Variants in CHRM3 observed in about 807,000 individuals in gnomAD.
CHRM3 encodes cholinergic receptor muscarinic 3, also known as muscarinic acetylcholine receptor M3.
A neutral mutation model predicts 41.8 loss-of-function variants in CHRM3; 11 were observed. That is an observed-to-expected ratio of 0.26 (90% CI 0.17 to 0.44). The LOEUF is 0.44. Among genes scored for constraint, CHRM3 ranks in the 20% least tolerant of loss-of-function variants. The probability of loss-of-function intolerance (pLI) is 1.00; values close to 1 mark genes in which losing one functional copy is unlikely to be tolerated. For missense variants in CHRM3, 571 were observed against 745.4 expected (o/e 0.77, Z 2.72); for synonymous variants, 297 against 301.4 (o/e 0.99, Z 0.15).
At chr1:239,761,299 G>A (rs1193432665) in intron 5 of CHRM3, among the ~76,000 whole-genome samples, 2 of 152,132 alleles carry the variant, frequency 1.3e-5, no homozygotes, top group African/African-American at 4.8e-5. Context: ...AACATAGAGA[G>A]AGATTGTGTG....
At chr1:239,654,462 G>C (rs1168789823) in intron 4 of CHRM3, among the ~76,000 whole-genome samples, 1 of 152,268 alleles carries the variant, frequency 6.6e-6, no homozygotes, top group South Asian at 2.1e-4. Context: ...GCAGCAGTGC[G>C]ATCTCAGCTC....
chr1:239,855,840 A>C (rs535457369), intron 6 of CHRM3, among the ~76,000 whole-genome samples: 1 of 152,320 alleles, frequency 6.6e-6, no homozygotes, highest in African/African-American at 2.4e-5. Context: ...CCCTCTGTCC[A>C]TCTAAAAATC....
chr1:239,492,101 A>G (rs980571283), intron 1 of CHRM3, among the ~76,000 whole-genome samples: 3 of 152,212 alleles, frequency 2.0e-5, no homozygotes, highest in African/African-American at 7.2e-5. Context: ...AACTTGTGGA[A>G]GCACACACAC....
chr1:239,488,771 A>G (rs2148048847), intron 1 of CHRM3, among the ~76,000 whole-genome samples: 1 of 139,484 alleles, frequency 7.2e-6, no homozygotes, highest in African/African-American at 2.7e-5. Flanking sequence ...ATGGTTTTGT[A>G]GATGTTGATA....
chr1:239,400,692 G>A (rs1014731719), intron 1 of CHRM3, among the ~76,000 whole-genome samples: 18 of 152,098 alleles, frequency 1.2e-4, no homozygotes, highest in Admixed American at 5.9e-4. Flanking sequence ...TCCCAAGTGC[G>A]TTTGTTGAAG....
chr1:239,651,739 G>T (rs1217559075), intron 4 of CHRM3, among the ~76,000 whole-genome samples: 1 of 152,014 alleles, frequency 6.6e-6, no homozygotes, highest in African/African-American at 2.4e-5. Flanking sequence ...TTGTAGTAAG[G>T]GTTAAAAAGA....
chr1:239,729,130 C>G (rs1158259562), intron 5 of CHRM3, among the ~76,000 whole-genome samples: 1 of 152,030 alleles, frequency 6.6e-6, no homozygotes, highest in Non-Finnish European at 1.5e-5. Flanking sequence ...GGCAGGGACA[C>G]AAAACTGTAT....
chr1:239,489,206 G>T (rs1386702925), intron 1 of CHRM3, among the ~76,000 whole-genome samples: 3 of 152,178 alleles, frequency 2.0e-5, no homozygotes, highest in African/African-American at 7.2e-5. Flanking sequence ...GAGGTTAGGA[G>T]TTCGAAACCA....
intron 3 of CHRM3, among the ~76,000 whole-genome samples, chr1:239,562,743 C>T (rs1660988824): frequency 6.6e-6 from 1 of 151,986 alleles, no homozygotes; most frequent in Non-Finnish European, 1.5e-5. Flanking sequence ...CAAAAATTAG[C>T]TGGGCGTGGT....
chr1:239,690,052 G>C (rs546375403), intron 5 of CHRM3, among the ~76,000 whole-genome samples: 2 of 93,858 alleles, frequency 2.1e-5, no homozygotes, highest in East Asian at 5.3e-4. Flanking sequence ...GACACAGAGA[G>C]AGAGAGAGAG....
chr1:239,732,823 G>A (rs1664067820), intron 5 of CHRM3, among the ~76,000 whole-genome samples: 1 of 133,662 alleles, frequency 7.5e-6, no homozygotes, highest in Non-Finnish European at 1.6e-5. Flanking sequence ...ATCTCACTTA[G>A]ATAAGTATAC....
intron 5 of CHRM3, among the ~76,000 whole-genome samples, chr1:239,783,952 C>T (rs762562199): frequency 1.2e-4 from 18 of 152,264 alleles, no homozygotes; most frequent in South Asian, 4.1e-4. Flanking sequence ...TAAGTGAGAA[C>T]GTGCAGTATT....
At chr1:239,817,446 A>G (rs1671682562) in intron 5 of CHRM3, among the ~76,000 whole-genome samples, 1 of 151,998 alleles carries the variant, frequency 6.6e-6, no homozygotes, top group Non-Finnish European at 1.5e-5. Context: ...CACCCCCAGA[A>G]CTGCCCAAAT....
At chr1:239,583,669 A>G (rs576466283) in intron 3 of CHRM3, among the ~76,000 whole-genome samples, 40 of 152,310 alleles carry the variant, frequency 2.6e-4, no homozygotes, top group African/African-American at 9.6e-4. Flanking sequence ...CACTTTTCTG[A>G]ACAGAAATAT....
At chr1:239,647,217 C>G (rs1011733614) in intron 4 of CHRM3, among the ~76,000 whole-genome samples, 2 of 152,152 alleles carry the variant, frequency 1.3e-5, no homozygotes, top group African/African-American at 4.8e-5. Flanking sequence ...ATTCCTTCAT[C>G]TTCTCTTCAC....
intron 1 of CHRM3, among the ~76,000 whole-genome samples, chr1:239,400,437 T>C (rs961953511): frequency 1.3e-5 from 2 of 152,228 alleles, no homozygotes; most frequent in South Asian, 4.1e-4. Context: ...TCCTTTGCCA[T>C]GCAGAAACGT....
intron 3 of CHRM3, among the ~76,000 whole-genome samples, chr1:239,575,584 A>T (rs1662255358): frequency 6.6e-6 from 1 of 152,096 alleles, no homozygotes; most frequent in Non-Finnish European, 1.5e-5. Flanking sequence ...ATACGACTCC[A>T]TTCTAGAGGC....
chr1:239,765,153 A>C (rs1202789614), intron 5 of CHRM3, among the ~76,000 whole-genome samples: 1 of 152,196 alleles, frequency 6.6e-6, no homozygotes, highest in African/African-American at 2.4e-5. Flanking sequence ...ATTGTTTGAG[A>C]TGGCACTAGG....
At chr1:239,414,445 A>G (rs982721431) in intron 1 of CHRM3, among the ~76,000 whole-genome samples, 2 of 152,218 alleles carry the variant, frequency 1.3e-5, no homozygotes, top group Admixed American at 1.3e-4. Flanking sequence ...GTTTGATATT[A>G]TTTGGAACAA....
Sources: gnomAD v4.1 joint callset for allele counts (sites outside exome capture counted in the v4.1 genomes callset) on GRCh38, gnomAD v4.1.1 for gene constraint, MANE v1.5 for transcripts, NCBI Gene and HGNC (gene_info 2026-07-23, HGNC 2026-07-21) for gene names.